PTPRD: variants seen among roughly 807,000 people sequenced by gnomAD.
PTPRD encodes the protein receptor-type tyrosine-protein phosphatase delta.
PTPRD carries 34 observed loss-of-function variants against 214.5 expected under a neutral mutation model. The ratio of observed to expected loss-of-function variants is 0.16; its 90% CI spans 0.12 to 0.21. The LOEUF (loss-of-function observed/expected upper bound fraction) is 0.21, where lower values mean the gene tolerates loss of function less well. Ranked by LOEUF, PTPRD falls within the 10% of genes least tolerant of loss-of-function variation. The pLI is 1.00. For synonymous variants in PTPRD, 1,128 were observed against 845.7 expected (o/e 1.33, Z -5.79); for missense variants, 2,545 against 2,398.7 (o/e 1.06, Z -1.27).
At chr9:9,671,549 C>T (rs1483574139) in intron 7 of PTPRD, among the ~76,000 whole-genome samples, 1 of 152,098 alleles carries the variant, frequency 6.6e-6, no homozygotes, top group African/African-American at 2.4e-5. Flanking sequence ...CTGTGTCCCC[C>T]ACAAAATCTC....
At chr9:9,804,646 G>A (rs1011536151) in intron 5 of PTPRD, among the ~76,000 whole-genome samples, 1 of 151,774 alleles carries the variant, frequency 6.6e-6, no homozygotes, top group African/African-American at 2.4e-5. Context: ...TTATTTGTGG[G>A]GAGAAAGCAT....
chr9:10,258,723 TCA>T (rs1350334149), intron 3 of PTPRD, among the ~76,000 whole-genome samples: 8 of 152,038 alleles, frequency 5.3e-5, no homozygotes, highest in Non-Finnish European at 8.8e-5. Flanking sequence ...GTTTCAGGTT[TCA>T]GTCAGGTATC....
At chr9:8,640,272 C>A (rs2096544356) in intron 12 of PTPRD, among the ~76,000 whole-genome samples, 1 of 151,936 alleles carries the variant, frequency 6.6e-6, no homozygotes, top group African/African-American at 2.4e-5. Context: ...AATATGCCAC[C>A]CAGGAGGCAG....
At chr9:9,095,169 G>A (rs1233904578) in intron 10 of PTPRD, among the ~76,000 whole-genome samples, 1 of 151,834 alleles carries the variant, frequency 6.6e-6, no homozygotes, top group Non-Finnish European at 1.5e-5. Flanking sequence ...GTTTAAAAAC[G>A]GAAGATTTTC....
intron 5 of PTPRD, among the ~76,000 whole-genome samples, chr9:9,915,595 A>T (rs1186104454): frequency 1.3e-5 from 2 of 151,858 alleles, no homozygotes; most frequent in African/African-American, 4.8e-5. Flanking sequence ...ATTTAAAAAA[A>T]TACTATTGAG....
At chr9:10,594,837 A>G (rs930097082) in intron 2 of PTPRD, among the ~76,000 whole-genome samples, 1 of 151,992 alleles carries the variant, frequency 6.6e-6, no homozygotes, top group African/African-American at 2.4e-5. Context: ...CACATTTCTG[A>G]GCAGCTCTTT....
intron 4 of PTPRD, among the ~76,000 whole-genome samples, chr9:9,969,750 C>T (rs192984013): frequency 5.3e-5 from 8 of 152,238 alleles, no homozygotes; most frequent in African/African-American, 4.8e-5. Flanking sequence ...GTGGCAATGC[C>T]CATCAAATCT....
At chr9:8,795,888 A>G (rs1418228484) in intron 11 of PTPRD, among the ~76,000 whole-genome samples, 1 of 152,174 alleles carries the variant, frequency 6.6e-6, no homozygotes. Flanking sequence ...AAAATGCATA[A>G]AAGTATGCAC....
intron 2 of PTPRD, among the ~76,000 whole-genome samples, chr9:10,453,541 G>T (rs947373151): frequency 4.0e-5 from 6 of 151,348 alleles, no homozygotes; most frequent in African/African-American, 1.5e-4. Context: ...GTATTCCTAA[G>T]TATTTTATTT....
In PTPRD at chr9:9,357,349, G is replaced by A. The variant is rs796783747; in HGVS notation, c.-203+40100C>T. Among the ~76,000 whole-genome samples, 16 of 151,426 alleles carry A rather than the reference G, an allele frequency of 1.1e-4. 1 individual carries two copies. Among genetic ancestry groups the A allele is most frequent in the African/African-American group, 3.9e-4 (16 of 41,464 alleles). ...TCATGGACCTTTGAATTTAAAGCCAGATAAAATTTAATTCATTTTACCAAT... is the reference window on the plus strand; with the variant it reads ...TCATGGACCTTTGAATTTAAAGCCAAATAAAATTTAATTCATTTTACCAAT... On this transcript the variant is annotated intron_variant, in intron 9 of 45. Coordinates refer to ENST00000381196, the MANE Select transcript of PTPRD (RefSeq NM_002839.4).
intron 2 of PTPRD, among the ~76,000 whole-genome samples, chr9:10,482,137 C>G (rs887853565): frequency 6.6e-6 from 1 of 151,960 alleles, no homozygotes; most frequent in African/African-American, 2.4e-5. Flanking sequence ...TTTGGGAGGC[C>G]CAGGCGGGAG....
chr9:9,784,326 TAAGAA>T (rs1486920411), intron 5 of PTPRD, among the ~76,000 whole-genome samples: 17 of 152,124 alleles, frequency 1.1e-4, no homozygotes, highest in Admixed American at 3.3e-4. Flanking sequence ...AAGTGAATAT[TAAGAA>T]AAAAATCTAG....
intron 3 of PTPRD, among the ~76,000 whole-genome samples, chr9:10,107,047 G>A (rs72694869): frequency 0.053 from 7,992 of 151,948 alleles, 275 homozygotes; most frequent in Admixed American, 0.1. Context: ...CTTGAGCCTG[G>A]GGAACTAGAA....
intron 9 of PTPRD, among the ~76,000 whole-genome samples, chr9:9,364,359 T>G (rs781692850): frequency 6.6e-6 from 1 of 151,202 alleles, no homozygotes; most frequent in Non-Finnish European, 1.5e-5. Context: ...ATGGAGGGAG[T>G]AAGACACATA....
At chr9:10,438,194 C>A (rs2098734984) in intron 2 of PTPRD, among the ~76,000 whole-genome samples, 1 of 151,172 alleles carries the variant, frequency 6.6e-6, no homozygotes, top group Admixed American at 6.6e-5. Flanking sequence ...AGTTTTCATT[C>A]ATATAACAAT....
At chr9:10,065,141 T>TAGAAAGAAAGAAAAAGAAAGAAAGAA (rs2097851702) in intron 3 of PTPRD, among the ~76,000 whole-genome samples, 1 of 106,732 alleles carries the variant, frequency 9.4e-6, no homozygotes, top group African/African-American at 3.6e-5. Flanking sequence ...TGACTTGGAT[T>TAGAAAGAAAGAAAAAGAAAGAAAGAA]AGAAAGAAAG....
chr9:9,965,313 G>A (rs919868614), intron 4 of PTPRD, among the ~76,000 whole-genome samples: 3 of 152,164 alleles, frequency 2.0e-5, no homozygotes, highest in African/African-American at 7.2e-5. Context: ...AGGCTTCTAA[G>A]AAGAAACAAT....
chr9:9,577,746 G>A (rs947034241), intron 7 of PTPRD, among the ~76,000 whole-genome samples: 5 of 151,800 alleles, frequency 3.3e-5, no homozygotes, highest in African/African-American at 1.2e-4. Context: ...TAAAATTCTA[G>A]CCAAATAAAT....
At position 9,950,722 on chromosome 9, in the gene PTPRD, CAAAAAAAAAAAAAAAAAAAAAAA is replaced by C. The variant is rs922771507; in HGVS notation, c.-471-12135_-471-12113del. On this transcript the variant is annotated intron_variant, in intron 4 of 45. Coordinates refer to ENST00000381196, the MANE Select transcript of PTPRD (RefSeq NM_002839.4). ...CCTGGGCGACAGCGAGACTCCGTCTCAAAAAAAAAAAAAAAAAAAAAAAAAAAAAAAAAAAAAAGAAGAAAGTG... is the reference window on the plus strand; with the variant it reads ...CCTGGGCGACAGCGAGACTCCGTCTCAAAAAAAAAAAAAAAGAAGAAAGTG... 1.5e-3 allele frequency among the ~76,000 whole-genome samples: 4 copies of C among 2,664 alleles called. 1 individual carries two copies. The highest frequency in any genetic ancestry group is 0.011 in the African/African-American group (2 of 182). The allele number at this position is 2,664 out of a possible 152,430, so 1.7% of individuals were successfully genotyped here.
Sources: gnomAD v4.1 joint callset for allele counts (sites outside exome capture counted in the v4.1 genomes callset) on GRCh38, gnomAD v4.1.1 for gene constraint, MANE v1.5 for transcripts, NCBI Gene and HGNC (gene_info 2026-07-23, HGNC 2026-07-21) for gene names.